TRAK1: variants seen among roughly 807,000 people sequenced by gnomAD.
TRAK1 encodes the protein trafficking kinesin protein 1.
A neutral mutation model predicts 92.1 loss-of-function variants in TRAK1; 33 were observed. The observed-to-expected ratio is 0.36, with a 90% CI of 0.27 to 0.48. The LOEUF (loss-of-function observed/expected upper bound fraction) is 0.48, where lower values mean the gene tolerates loss of function less well. TRAK1 is among the 20% of genes least tolerant of loss of function. TRAK1 has a pLI of 0.99. For synonymous variants in TRAK1, 521 were observed against 517.3 expected (o/e 1.01, Z -0.10); for missense variants, 1,123 against 1,257.9 (o/e 0.89, Z 1.62).
At chr3:42,218,904 C>T (rs577730674) in intron 14 of TRAK1, 20 of 985,236 alleles carry the variant, frequency 2.0e-5, no homozygotes, top group South Asian at 1.9e-4. Flanking sequence ...ACTCTTGCCA[C>T]GTTGTTGCTG....
intron 9 of TRAK1, 105 bp from the exon 10 acceptor site, chr3:42,194,699 T>G (rs562281420): frequency 7.2e-7 from 1 of 1,395,754 alleles, no homozygotes. Flanking sequence ...CCACACGTGC[T>G]GGGGACTCTT....
intron 2 of TRAK1, among the ~76,000 whole-genome samples, chr3:42,136,855 G>T (rs1283465122): frequency 6.6e-6 from 1 of 151,972 alleles, no homozygotes; most frequent in Non-Finnish European, 1.5e-5. Flanking sequence ...GCTAATTTTT[G>T]TGTTTTTAGT....
chr3:42,083,836 C>T (rs1704542469), upstream of TRAK1, among the ~76,000 whole-genome samples: 1 of 151,990 alleles, frequency 6.6e-6, no homozygotes. Context: ...TGCCACTGCA[C>T]TCCAGCCTGG....
chr3:42,193,327 G>A, intron 8 of TRAK1, 122 bp downstream of exon 8: 1 of 1,387,964 alleles, frequency 7.2e-7, no homozygotes, highest in African/African-American at 1.4e-5. Flanking sequence ...TTGCCGCTTT[G>A]CAGAAAAAGC....
At chr3:42,196,392 G>T (rs1311062054) in intron 10 of TRAK1, among the ~76,000 whole-genome samples, 1 of 152,270 alleles carries the variant, frequency 6.6e-6, no homozygotes, top group Admixed American at 6.5e-5. Flanking sequence ...AAATTTGGGG[G>T]GGGCCTGTGA....
In TRAK1 at chr3:42,117,803, C is replaced by G. The variant is rs57841173; in HGVS notation, c.92-7617C>G. Among the ~76,000 whole-genome samples, 407 of 147,192 alleles carry G rather than the reference C, an allele frequency of 2.8e-3. 2 individuals are homozygous for G. The highest frequency in any genetic ancestry group is 9.5e-3 in the African/African-American group (382 of 40,082). On this transcript the variant is annotated intron_variant, in intron 1 of 15. Transcript: ENST00000327628. The stretch of plus-strand genomic sequence containing the variant: ...TAGGCTGACTTCTTCTGAGAGTCCA[C>G]ATATCTGTATTTCTTCTTTTCTTTT...
At chr3:42,092,553 G>C (rs1026785530) in intron 1 of TRAK1, among the ~76,000 whole-genome samples, 3 of 152,110 alleles carry the variant, frequency 2.0e-5, no homozygotes, top group Admixed American at 2.0e-4. Context: ...CACAGAGGTG[G>C]GCCAGGGTGT....
chr3:42,207,723 C>T (rs1245793494), intron 13 of TRAK1, among the ~76,000 whole-genome samples: 3 of 152,220 alleles, frequency 2.0e-5, no homozygotes, highest in Admixed American at 6.5e-5. Flanking sequence ...GAACTGGTCT[C>T]TGCAGGTCTG....
upstream of TRAK1, chr3:42,091,309 C>T: frequency 1.6e-6 from 1 of 634,650 alleles, no homozygotes. Flanking sequence ...ACCCATTGTG[C>T]TTCCAGGACA....
chr3:42,168,114 T>C (rs941807569), intron 2 of TRAK1, among the ~76,000 whole-genome samples: 1 of 152,202 alleles, frequency 6.6e-6, no homozygotes, highest in African/African-American at 2.4e-5. Flanking sequence ...ATCATGAAAT[T>C]ATTTCTGTGA....
In TRAK1 at chr3:42,097,161, CT is replaced by C. The variant is rs558085773; in HGVS notation, c.91+5606del. Among the ~76,000 whole-genome samples the C allele has an allele frequency of 2.6e-3, 401 of 152,300 alleles. 3 individuals carry two copies. Among genetic ancestry groups the C allele is most frequent in the Admixed American group, 0.022 (329 of 15,294 alleles). On this transcript the variant is annotated intron_variant, in intron 1 of 15. Transcript: ENST00000327628. The stretch of plus-strand genomic sequence containing the variant: ...CCACTTAGCATACATCCATCATATT[CT>C]TTTTGCTGGCTGCCTATTTTTCATT...
intron 1 of TRAK1, among the ~76,000 whole-genome samples, chr3:42,058,235 G>A (rs944193308): frequency 6.6e-6 from 1 of 152,180 alleles, no homozygotes; most frequent in Non-Finnish European, 1.5e-5. Flanking sequence ...CGAAGACAAG[G>A]TTTGTTTGTA....
intron 2 of TRAK1, among the ~76,000 whole-genome samples, chr3:42,129,606 C>T (rs1696931158): frequency 6.6e-6 from 1 of 152,112 alleles, no homozygotes; most frequent in Non-Finnish European, 1.5e-5. Context: ...CTGAGAAACA[C>T]AGAAAATTAA....
Position 42,202,909 on chromosome 3 carries a change from G to A in TRAK1, c.1744+157G>A, listed in dbSNP as rs945568198. 5.6e-6 allele frequency: 8 copies of A among 1,441,350 alleles called. No individual in the cohort carries two copies. In the Admixed American group the frequency reaches 1.0e-4, roughly 18 times the overall value. 89.3% of individuals were successfully genotyped at this position (1,441,350 alleles called of 1,614,324 possible). ...TGGTTTGAGTTCCTCTGAGGGTGGT[G>A]CTCAGCCTAGGCCTCCGTCCCTCCC... On this transcript the variant is annotated intron_variant, in intron 13 of 15. Coordinates refer to ENST00000327628, the MANE Select transcript of TRAK1 (RefSeq NM_001042646.3). The surrounding 1 kb of genome is among the most constrained non-coding windows in gnomAD (Gnocchi z 6.1).
chr3:42,059,704 A>T (rs1472153837), intron 1 of TRAK1, among the ~76,000 whole-genome samples: 1 of 152,224 alleles, frequency 6.6e-6, no homozygotes, highest in African/African-American at 2.4e-5. Flanking sequence ...GACTTATTTC[A>T]GAGTATTTTT....
chr3:42,019,487 G>A (rs979354368), intron 1 of TRAK1, among the ~76,000 whole-genome samples: 4 of 152,088 alleles, frequency 2.6e-5, no homozygotes, highest in Non-Finnish European at 5.9e-5. Context: ...ATGTTGCCCA[G>A]GCTGCCTTAG....
intron 11 of TRAK1, 118 bp downstream of exon 11, chr3:42,199,371 C>T (rs1049433612): frequency 1.1e-6 from 1 of 935,426 alleles, no homozygotes; most frequent in Admixed American, 2.2e-5. Context: ...TATTGTCCTT[C>T]CCAGTCCAGA....
In TRAK1 at chr3:42,223,885, A is replaced by C; in HGVS notation, c.*148A>C. The C allele has an allele frequency of 1.1e-6, 1 of 902,096 alleles. No homozygotes were observed. The highest frequency in any genetic ancestry group is 1.7e-6 in the Non-Finnish European group (1 of 593,636). 55.9% of individuals were successfully genotyped at this position (902,096 alleles called of 1,614,324 possible). On this transcript the variant is annotated 3_prime_UTR_variant, in exon 16 of 16. Transcript: ENST00000327628. The surrounding 1 kb of genome is among the most constrained non-coding windows in gnomAD (Gnocchi z 6.1). ...GCTAGACAAATCAACCTCGTGCCTAATGGAGGAAGTGTGGAAACTTTGTAA... is the reference window on the plus strand; with the variant it reads ...GCTAGACAAATCAACCTCGTGCCTACTGGAGGAAGTGTGGAAACTTTGTAA...
chr3:42,023,180 AAAAG>A (rs1283718550), intron 1 of TRAK1, among the ~76,000 whole-genome samples: 4 of 148,280 alleles, frequency 2.7e-5, no homozygotes, highest in African/African-American at 9.9e-5. Context: ...AAAAACAACA[AAAAG>A]AAAATAAATA....
Sources: gnomAD v4.1 joint callset for allele counts (sites outside exome capture counted in the v4.1 genomes callset) on GRCh38, gnomAD v4.1.1 for gene constraint, Gnocchi (gnomAD v3.1) non-coding constraint, MANE v1.5 for transcripts, NCBI Gene and HGNC (gene_info 2026-07-23, HGNC 2026-07-21) for gene names.